Variants in SPEF2 observed in about 807,000 individuals in gnomAD.
SPEF2 encodes sperm flagella and cilia-associated protein 2.
A neutral mutation model predicts 224.6 loss-of-function variants in SPEF2; 187 were observed. The observed-to-expected ratio is 0.83, with a 90% CI of 0.74 to 0.94. SPEF2 has a LOEUF of 0.94. SPEF2 is among the 40% of genes least tolerant of loss of function. The pLI is 0.00. For missense variants in SPEF2, 2,170 were observed against 2,135.6 expected, an observed-to-expected ratio of 1.02 and a Z score of -0.32; for synonymous variants, 715 against 707.3, an observed-to-expected ratio of 1.01 and a Z score of -0.17.
chr5:35,682,014 A>G (rs1352713674), intron 10 of SPEF2, among the ~76,000 whole-genome samples: 2 of 152,176 alleles, frequency 1.3e-5, no homozygotes, highest in Admixed American at 6.5e-5. Flanking sequence ...AATGGCTACA[A>G]CTACTTCTGA....
At chr5:35,631,503 T>G (rs1745126907) in intron 2 of SPEF2, among the ~76,000 whole-genome samples, 1 of 152,198 alleles carries the variant, frequency 6.6e-6, no homozygotes, top group African/African-American at 2.4e-5. Context: ...AAAACCCTCT[T>G]ACAATGTTAG....
intron 34 of SPEF2, among the ~76,000 whole-genome samples, chr5:35,801,145 A>C (rs112254309): frequency 0.011 from 1,674 of 152,338 alleles, 41 homozygotes; most frequent in African/African-American, 0.038. Context: ...ACACAGTGGC[A>C]GAAAGTTCAG....
intron 23 of SPEF2, among the ~76,000 whole-genome samples, chr5:35,749,628 T>G (rs1749094021): frequency 6.6e-6 from 1 of 151,872 alleles, no homozygotes; most frequent in Admixed American, 6.6e-5. Flanking sequence ...ATGAAATACT[T>G]AGGAATATAC....
intron 2 of SPEF2, among the ~76,000 whole-genome samples, chr5:35,631,424 A>C (rs1005428804): frequency 1.2e-4 from 18 of 152,202 alleles, no homozygotes; most frequent in Non-Finnish European, 1.8e-4. Context: ...ACACCACTTC[A>C]TACCCACTAG....
chr5:35,644,909 C>T (rs951035365), intron 4 of SPEF2, among the ~76,000 whole-genome samples: 3 of 152,214 alleles, frequency 2.0e-5, no homozygotes, highest in African/African-American at 4.8e-5. Context: ...AATGTCCTCT[C>T]GCTTTCTCCT....
chr5:35,671,576 C>T, intron 10 of SPEF2: 1 of 923,052 alleles, frequency 1.1e-6, no homozygotes, highest in South Asian at 5.0e-5. Flanking sequence ...ATTTGACAGA[C>T]TTTACTGGTT....
intron 7 of SPEF2, among the ~76,000 whole-genome samples, chr5:35,655,963 C>T (rs1232463907): frequency 6.6e-6 from 1 of 152,054 alleles, no homozygotes; most frequent in Admixed American, 6.6e-5. Context: ...AGAGATTATC[C>T]CAGTTTAAAT....
At position 35,807,132 on chromosome 5, in the gene SPEF2, G is replaced by A. The variant is rs1046162392; in HGVS notation, c.5258G>A (p.Gly1753Asp). 2 of 1,609,450 alleles carry A rather than the reference G, an allele frequency of 1.2e-6. No homozygotes were observed. Among genetic ancestry groups the A allele is most frequent in the Middle Eastern group, 1.7e-4 (1 of 6,048 alleles). ...HLKIENIYAE[G>D]FIKTFQDLGA... ...CTTCATTTTTTTTCTTCCTTAAAGG[G>A]CTTCATAAAAACATTTCAAGACCTA... The change falls in exon 36 of 37, where the codon GGC becomes GAC. Residue 1753 changes from glycine (G) to aspartate (D), a missense_variant and splice_region_variant. Coordinates refer to ENST00000356031, the MANE Select transcript of SPEF2 (RefSeq NM_024867.4).
chr5:35,807,773 G>A (rs1004374337), intron 36 of SPEF2: 7 of 1,535,652 alleles, frequency 4.6e-6, no homozygotes, highest in Non-Finnish European at 5.2e-6. Context: ...GCAGAAGAAA[G>A]GAAGAACTGC....
intron 33 of SPEF2, among the ~76,000 whole-genome samples, chr5:35,798,386 GC>G (rs1402115225): frequency 5.3e-5 from 8 of 152,138 alleles, no homozygotes; most frequent in Non-Finnish European, 1.2e-4. Context: ...TGCAAGGCCT[GC>G]CCCGACCTTG....
Position 35,676,101 on chromosome 5 carries a change from A to G in SPEF2, c.1524+5874A>G, listed in dbSNP as rs1475069677. On this transcript the variant is annotated intron_variant, in intron 10 of 36. Transcript: ENST00000356031. ...TCCAAAAAGTTGGCAGCCAGATAGA[A>G]GTGGAATGGGATGTGAGAAGGACAA... is the stretch of plus-strand genomic sequence containing the variant. The G allele has an allele frequency of 1.6e-5, 7 of 441,410 alleles. 1 individual carries two copies. The highest frequency in any genetic ancestry group is 8.1e-5 in the South Asian group (5 of 61,574). 27.3% of individuals were successfully genotyped at this position (441,410 alleles called of 1,614,324 possible).
At position 35,710,130 on chromosome 5, in the gene SPEF2, G is replaced by GT. The variant is rs1367077195; in HGVS notation, c.2839+1014dup. On this transcript the variant is annotated intron_variant, in intron 19 of 36. Coordinates refer to ENST00000356031, the MANE Select transcript of SPEF2 (RefSeq NM_024867.4). ...GCAAAATACACACATCCTAAAAAAT[G>GT]TTTTTATCATGTCAACAATAAAACA... The GT allele has an allele frequency of 4.1e-6, 4 of 985,294 alleles. No homozygotes were observed. The African/African-American group carries it at 7.0e-5, about 17-fold the overall frequency. The allele number at this position is 985,294 out of a possible 1,614,324, so 61.0% of individuals were successfully genotyped here. A position where few individuals can be genotyped will look rare whatever the true frequency, so the allele number is the denominator to read the frequency against.
At chr5:35,621,648 G>A (rs1743526146) in intron 1 of SPEF2, among the ~76,000 whole-genome samples, 1 of 152,146 alleles carries the variant, frequency 6.6e-6, no homozygotes, top group African/African-American at 2.4e-5. Flanking sequence ...TTCCTAGATG[G>A]TTAAGTGGCA....
intron 29 of SPEF2, among the ~76,000 whole-genome samples, chr5:35,776,883 G>A (rs1253336239): frequency 1.3e-5 from 2 of 152,144 alleles, no homozygotes; most frequent in African/African-American, 4.8e-5. Context: ...AGACTTCCCA[G>A]ACCTTTGTTG....
chr5:35,796,654 T>C (rs1756714406), intron 33 of SPEF2, among the ~76,000 whole-genome samples: 1 of 151,634 alleles, frequency 6.6e-6, no homozygotes, highest in South Asian at 2.1e-4. Flanking sequence ...CAGTAAGACA[T>C]GAAAAAAACT....
At chr5:35,737,735 G>C (rs1204459585) in intron 21 of SPEF2, among the ~76,000 whole-genome samples, 1 of 152,132 alleles carries the variant, frequency 6.6e-6, no homozygotes, top group East Asian at 1.9e-4. Context: ...ACCCAGTAAT[G>C]GGATGGCTGG....
chr5:35,678,772 T>C (rs1752372832), intron 10 of SPEF2: 1 of 152,228 alleles, frequency 6.6e-6, no homozygotes, highest in African/African-American at 2.4e-5. Flanking sequence ...CTTTGCCTTT[T>C]TGTCTAAGGC....
At position 35,697,715 on chromosome 5, in the gene SPEF2, C is replaced by T; in HGVS notation, c.2063C>T (p.Ala688Val). 1 of 1,613,338 alleles carries T rather than the reference C, an allele frequency of 6.2e-7. No homozygotes were observed. Among genetic ancestry groups the T allele is most frequent in the Non-Finnish European group, 8.5e-7 (1 of 1,179,624 alleles). Reference protein sequence around the residue: ...LKLTTRAQLGAKSEQLLKKGK... With the variant: ...LKLTTRAQLGVKSEQLLKKGK... The stretch of plus-strand genomic sequence containing the variant: ...CTCACTACACGTGCTCAGCTTGGTG[C>T]AAAATCAGAACAGTTGCTGAAGAAA... Residue 688 changes from alanine (A) to valine (V), a missense_variant, in exon 15 of 37, where the codon GCA becomes GTA. Transcript: ENST00000356031.
intron 10 of SPEF2, among the ~76,000 whole-genome samples, chr5:35,683,303 A>G (rs1245855266): frequency 1.3e-5 from 2 of 152,150 alleles, no homozygotes; most frequent in Non-Finnish European, 2.9e-5. Context: ...CAAGTGCTGG[A>G]AAGGTCAGTG....
Sources: gnomAD v4.1 joint callset for allele counts (sites outside exome capture counted in the v4.1 genomes callset) on GRCh38, gnomAD v4.1.1 for gene constraint, MANE v1.5 for transcripts, NCBI Gene and HGNC (gene_info 2026-07-23, HGNC 2026-07-21) for gene names.